GRM1: variants seen among roughly 807,000 people sequenced by gnomAD.
GRM1 encodes metabotropic glutamate receptor 1.
A neutral mutation model predicts 90.9 loss-of-function variants in GRM1; 33 were observed. The ratio of observed to expected loss-of-function variants is 0.36; its 90% CI spans 0.28 to 0.49. The LOEUF is 0.49. Ranked by LOEUF, GRM1 falls within the 20% of genes least tolerant of loss-of-function variation. The probability of loss-of-function intolerance (pLI) is 0.99; values close to 1 mark genes in which losing one functional copy is unlikely to be tolerated. For missense variants in GRM1, 1,190 were observed against 1,534.3 expected, an observed-to-expected ratio of 0.78 and a Z score of 3.75; for synonymous variants, 700 against 613.2, an observed-to-expected ratio of 1.14 and a Z score of -2.09.
intron 2 of GRM1, among the ~76,000 whole-genome samples, chr6:146,228,067 G>T (rs1456424891): frequency 1.3e-5 from 2 of 151,990 alleles, no homozygotes; most frequent in African/African-American, 2.4e-5. Context: ...AAATGTTAAG[G>T]CCTCATATAT....
chr6:146,251,105 AG>A (rs1365404476), intron 2 of GRM1, among the ~76,000 whole-genome samples: 1 of 152,216 alleles, frequency 6.6e-6, no homozygotes, highest in African/African-American at 2.4e-5. Flanking sequence ...AATAAGCCTA[AG>A]TGAAAACGTT....
chr6:146,412,968 A>G (rs537988423), intron 7 of GRM1, among the ~76,000 whole-genome samples: 3 of 152,224 alleles, frequency 2.0e-5, no homozygotes, highest in African/African-American at 7.2e-5. Context: ...ATAATTAAGG[A>G]TATGTTTAAC....
intron 7 of GRM1, among the ~76,000 whole-genome samples, chr6:146,409,993 T>A (rs1481544900): frequency 6.6e-6 from 1 of 152,228 alleles, no homozygotes; most frequent in Non-Finnish European, 1.5e-5. Flanking sequence ...GTTACCATGC[T>A]CCTAGCAAAT....
intron 7 of GRM1, among the ~76,000 whole-genome samples, chr6:146,420,270 T>C (rs756418557): frequency 6.6e-6 from 1 of 152,222 alleles, no homozygotes; most frequent in Non-Finnish European, 1.5e-5. Context: ...CAAGGCTCCC[T>C]GACAAGATAT....
chr6:146,322,570 C>CTTTTATTTTATTTTATTTTAT, intron 3 of GRM1, among the ~76,000 whole-genome samples: 1 of 109,928 alleles, frequency 9.1e-6, no homozygotes, highest in African/African-American at 5.8e-5. Flanking sequence ...GGGCTGCTGC[C>CTTTTATTTTATTTTATTTTAT]TTTCTTTTAT....
intron 7 of GRM1, among the ~76,000 whole-genome samples, chr6:146,416,831 A>G (rs1777803782): frequency 6.6e-6 from 1 of 152,172 alleles, no homozygotes; most frequent in Admixed American, 6.5e-5. Flanking sequence ...TTGATTCCTC[A>G]GCACCGTGAG....
chr6:146,163,082 C>T (rs1032141488), intron 2 of GRM1, among the ~76,000 whole-genome samples: 8 of 152,060 alleles, frequency 5.3e-5, no homozygotes, highest in Admixed American at 6.6e-5. Flanking sequence ...TGATCAATTT[C>T]TTCACCAGCC....
chr6:146,052,694 C>G (rs936183678), intron 1 of GRM1, among the ~76,000 whole-genome samples: 2 of 152,028 alleles, frequency 1.3e-5, no homozygotes, highest in Non-Finnish European at 1.5e-5. Context: ...TTGTGGCTGG[C>G]TGCTTCTTTT....
chr6:146,110,050 A>G (rs1180618497), intron 1 of GRM1, among the ~76,000 whole-genome samples: 1 of 152,178 alleles, frequency 6.6e-6, no homozygotes, highest in East Asian at 1.9e-4. Context: ...GCCTTGTCTC[A>G]GAGGAGACTT....
intron 1 of GRM1, among the ~76,000 whole-genome samples, chr6:146,095,254 AGG>A (rs1278989255): frequency 6.6e-6 from 1 of 152,146 alleles, no homozygotes; most frequent in East Asian, 1.9e-4. Context: ...TTCTGATAGC[AGG>A]GTGTACCCCA....
intron 4 of GRM1, among the ~76,000 whole-genome samples, chr6:146,352,928 C>T (rs1785458744): frequency 6.6e-6 from 1 of 152,166 alleles, no homozygotes; most frequent in Non-Finnish European, 1.5e-5. Flanking sequence ...GGTTAAAGAG[C>T]TCAGTATGCA....
chr6:146,279,448 A>C (rs548853089), intron 2 of GRM1, among the ~76,000 whole-genome samples: 77 of 152,268 alleles, frequency 5.1e-4, no homozygotes, highest in African/African-American at 1.8e-3. Context: ...ATGCATTTAG[A>C]GATATAAAAA....
intron 7 of GRM1, among the ~76,000 whole-genome samples, chr6:146,415,137 A>G (rs971480441): frequency 1.2e-4 from 19 of 152,198 alleles, no homozygotes; most frequent in Admixed American, 9.8e-4. Flanking sequence ...GTCTGAGAAT[A>G]GGGTAGCAGC....
At chr6:146,118,140 C>CTTTTTTTTTTTTTTTTTTTTT (rs67033918) in intron 1 of GRM1, among the ~76,000 whole-genome samples, 1 of 115,456 alleles carries the variant, frequency 8.7e-6, no homozygotes, top group African/African-American at 3.3e-5. Context: ...TTCTTCTTTT[C>CTTTTTTTTTTTTTTTTTTTTT]TTTTTTTTTT....
chr6:146,109,096 C>G (rs1775440559), intron 1 of GRM1, among the ~76,000 whole-genome samples: 1 of 152,154 alleles, frequency 6.6e-6, no homozygotes, highest in Non-Finnish European at 1.5e-5. Context: ...ATTCCATTTT[C>G]TGAGGAGAAA....
chr6:146,178,757 T>C (rs1222067820), intron 2 of GRM1, among the ~76,000 whole-genome samples: 1 of 152,242 alleles, frequency 6.6e-6, no homozygotes, highest in Non-Finnish European at 1.5e-5. Flanking sequence ...TCTCATTTAG[T>C]AGCCATTCTT....
chr6:146,119,468 G>T (rs1034915723), intron 1 of GRM1, among the ~76,000 whole-genome samples: 2 of 152,040 alleles, frequency 1.3e-5, no homozygotes, highest in Non-Finnish European at 2.9e-5. Flanking sequence ...GTCAATTTTG[G>T]CTTTTGTTGC....
chr6:146,105,079 G>A (rs1297564232), intron 1 of GRM1, among the ~76,000 whole-genome samples: 2 of 152,112 alleles, frequency 1.3e-5, no homozygotes, highest in African/African-American at 2.4e-5. Context: ...TTTCTGTTTT[G>A]TAAAGTTTTC....
chr6:146,171,692 A>G, intron 2 of GRM1: 1 of 296,452 alleles, frequency 3.4e-6, no homozygotes, highest in Non-Finnish European at 7.0e-6. Context: ...AGAGGAGGAC[A>G]TGAAGAAAGC....
Sources: allele counts gnomAD v4.1 joint callset (sites outside exome capture counted in the v4.1 genomes callset), GRCh38; gene constraint gnomAD v4.1.1; transcripts MANE v1.5; gene names NCBI Gene and HGNC (gene_info 2026-07-23, HGNC 2026-07-21).